The following ARHGAP5 variants were observed in gnomAD, a reference collection of about 807,000 sequenced individuals.
ARHGAP5 encodes the protein rho GTPase-activating protein 5.
In ARHGAP5, 23 loss-of-function variants were observed where a neutral mutation model predicts 116.6. The ratio of observed to expected loss-of-function variants is 0.20; its 90% CI spans 0.14 to 0.28. ARHGAP5 has a LOEUF of 0.28. ARHGAP5 is among the 10% of genes least tolerant of loss of function. The probability of loss-of-function intolerance (pLI) is 1.00; values close to 1 mark genes in which losing one functional copy is unlikely to be tolerated. For synonymous variants in ARHGAP5, 574 were observed against 602.0 expected (o/e 0.95, Z 0.68); for missense variants, 1,405 against 1,774.8 (o/e 0.79, Z 3.74).
chr14:32,147,837 C>T (rs760769804), intron 4 of ARHGAP5, among the ~76,000 whole-genome samples: 1 of 152,116 alleles, frequency 6.6e-6, no homozygotes, highest in Non-Finnish European at 1.5e-5. Context: ...CAAAGAGTAT[C>T]GTATAGTCTA....
chr14:32,126,183 CT>C (rs1461478357), intron 3 of ARHGAP5, among the ~76,000 whole-genome samples: 1 of 151,834 alleles, frequency 6.6e-6, no homozygotes, highest in Non-Finnish European at 1.5e-5. Context: ...TCAGGGGAAG[CT>C]TTTATTATTT....
chr14:32,081,848 A>G (rs566112262), intron 1 of ARHGAP5, among the ~76,000 whole-genome samples: 18 of 152,342 alleles, frequency 1.2e-4, no homozygotes, highest in Admixed American at 1.1e-3. Flanking sequence ...GAGCCAAGGT[A>G]ATATCTCTTT....
At chr14:32,152,674 TAAAA>T in intron 6 of ARHGAP5, 146 bp downstream of exon 6, 1 of 483,160 alleles carries the variant, frequency 2.1e-6, no homozygotes, top group Non-Finnish European at 3.6e-6. Flanking sequence ...AATTTATATC[TAAAA>T]AGATATATGA....
chr14:32,099,075 TGA>T (rs959867689), intron 2 of ARHGAP5, among the ~76,000 whole-genome samples: 1 of 151,972 alleles, frequency 6.6e-6, no homozygotes, highest in African/African-American at 2.4e-5. Flanking sequence ...GGAATGGATA[TGA>T]GAGATACCTA....
chr14:32,091,656 A>G lies in ARHGAP5; in HGVS notation c.987A>G (p.Glu329=), dbSNP rs749705587. ...FSKHIEQLKQ[E]HIRKRREEYI... ...AACATATAGAACAACTTAAACAGGA[A>G]CATATAAGAAAAAGGAGAGAAGAGT... The change falls in exon 2 of 7, where the codon GAA becomes GAG. Residue 329 remains glutamate, a synonymous_variant. Coordinates refer to ENST00000345122, the MANE Select transcript of ARHGAP5 (RefSeq NM_001030055.2). 8 of 1,610,748 alleles carry G rather than the reference A, an allele frequency of 5.0e-6. No homozygotes were observed. Among genetic ancestry groups the G allele is most frequent in the Non-Finnish European group, 6.8e-6 (8 of 1,178,738 alleles).
rs771407838 is a variant in ARHGAP5 at position 32,152,404 on chromosome 14, C to T, written c.4076-19C>T. On this transcript the variant is annotated intron_variant, in intron 5 of 6. Transcript: ENST00000345122. ...ATGTGTAAGTTTTACACAGATTCTTCACTGTTTTAATTTTACAGAAATCCC... is the reference window on the plus strand; with the variant it reads ...ATGTGTAAGTTTTACACAGATTCTTTACTGTTTTAATTTTACAGAAATCCC... 1.6e-5 allele frequency: 24 copies of T among 1,484,558 alleles called. No homozygotes were observed. In the Admixed American group the frequency reaches 4.5e-4, roughly 28 times the overall value. 92.0% of individuals were successfully genotyped at this position (1,484,558 alleles called of 1,614,324 possible). A position where few individuals can be genotyped will look rare whatever the true frequency, so the allele number is the denominator to read the frequency against.
At chr14:32,120,955 A>G (rs1879855468) in intron 3 of ARHGAP5, among the ~76,000 whole-genome samples, 1 of 150,154 alleles carries the variant, frequency 6.7e-6, no homozygotes, top group Non-Finnish European at 1.5e-5. Context: ...CAGTTCTATT[A>G]GATTTTACAT....
chr14:32,150,157 C>G (rs1881577812), intron 5 of ARHGAP5, 124 bp downstream of exon 5: 1 of 751,456 alleles, frequency 1.3e-6, no homozygotes, highest in Non-Finnish European at 1.9e-6. Flanking sequence ...AACTAGAACT[C>G]TATTTCTTAA....
chr14:32,077,370 C>T lies in ARHGAP5; in HGVS notation c.-234C>T, dbSNP rs1236572009. ...CGGCGGGAGCGGTCCCCAGGAATGT[C>T]GCTGCCGCCGCCACCGCCGGGGCCG... On this transcript the variant is annotated 5_prime_UTR_variant, in exon 1 of 7. Coordinates refer to ENST00000345122, the MANE Select transcript of ARHGAP5 (RefSeq NM_001030055.2). 3 of 696,198 alleles carry T rather than the reference C, an allele frequency of 4.3e-6. No individual in the cohort carries two copies. Among genetic ancestry groups the T allele is most frequent in the Admixed American group, 2.0e-5 (1 of 49,788 alleles). The allele number at this position is 696,198 out of a possible 1,614,324, so 43.1% of individuals were successfully genotyped here.
chr14:32,118,039 G>A (rs1879694279), intron 3 of ARHGAP5, among the ~76,000 whole-genome samples: 1 of 152,108 alleles, frequency 6.6e-6, no homozygotes, highest in Non-Finnish European at 1.5e-5. Context: ...TGTTACTAAT[G>A]AACCCTTGAT....
At chr14:32,144,822 C>A (rs1428925609) in intron 3 of ARHGAP5, among the ~76,000 whole-genome samples, 1 of 152,124 alleles carries the variant, frequency 6.6e-6, no homozygotes, top group Admixed American at 6.6e-5. Context: ...TATTCTGTTT[C>A]TTTGCTGAAA....
chr14:32,121,772 C>T (rs1283089819), intron 3 of ARHGAP5, among the ~76,000 whole-genome samples: 2 of 152,204 alleles, frequency 1.3e-5, no homozygotes, highest in Non-Finnish European at 2.9e-5. Flanking sequence ...TCTCACCCCC[C>T]CATCAACTTT....
chr14:32,088,135 AATTAT>A (rs1291601679), intron 1 of ARHGAP5, among the ~76,000 whole-genome samples: 1 of 151,994 alleles, frequency 6.6e-6, no homozygotes, highest in African/African-American at 2.4e-5. Context: ...TAGTATTCAG[AATTAT>A]ATTATTTGGG....
intron 3 of ARHGAP5, among the ~76,000 whole-genome samples, chr14:32,144,005 A>T (rs1353626178): frequency 6.6e-6 from 1 of 152,182 alleles, no homozygotes. Flanking sequence ...GAGGTGCATT[A>T]TGCCCCCAGC....
At chr14:32,154,581 AG>A in intron 6 of ARHGAP5, 39 bp from the exon 7 acceptor site, 1 of 1,420,138 alleles carries the variant, frequency 7.0e-7, no homozygotes, top group Non-Finnish European at 9.7e-7. Flanking sequence ...GATTGTAATG[AG>A]TTTTGATTTC....
chr14:32,146,511 G>T (rs952930702), intron 4 of ARHGAP5, among the ~76,000 whole-genome samples, 171 bp downstream of exon 4: 5 of 152,086 alleles, frequency 3.3e-5, no homozygotes, highest in African/African-American at 1.2e-4. Context: ...CCACAGTAAA[G>T]GTACAAAACA....
intron 3 of ARHGAP5, among the ~76,000 whole-genome samples, chr14:32,122,956 G>A (rs1017660895): frequency 5.3e-5 from 8 of 151,990 alleles, no homozygotes; most frequent in Non-Finnish European, 8.8e-5. Flanking sequence ...GTTCTTCTGG[G>A]TATAGAGTTT....
At chr14:32,124,263 G>A (rs564454033) in intron 3 of ARHGAP5, among the ~76,000 whole-genome samples, 1 of 152,252 alleles carries the variant, frequency 6.6e-6, no homozygotes, top group South Asian at 2.1e-4. Context: ...TTCATGTTCA[G>A]TGATCAGTGT....
intron 3 of ARHGAP5, among the ~76,000 whole-genome samples, chr14:32,130,783 G>A (rs559892770): frequency 3.9e-5 from 6 of 152,134 alleles, no homozygotes; most frequent in South Asian, 2.1e-4. Flanking sequence ...CACCTGCCTC[G>A]GCCTCCCAAA....
Sources: allele counts gnomAD v4.1 joint callset (sites outside exome capture counted in the v4.1 genomes callset), GRCh38; gene constraint gnomAD v4.1.1; transcripts MANE v1.5; gene names NCBI Gene and HGNC (gene_info 2026-07-23, HGNC 2026-07-21).